CORIN: variants seen among roughly 807,000 people sequenced by gnomAD.
The protein encoded by CORIN is corin, serine peptidase.
Under a neutral mutation model 125.3 loss-of-function variants are expected in CORIN, and 117 were observed. The observed-to-expected ratio is 0.93, with a 90% CI of 0.80 to 1.09. The LOEUF (loss-of-function observed/expected upper bound fraction) is 1.09, where lower values mean the gene tolerates loss of function less well. Among genes scored for constraint, CORIN ranks in the 50% least tolerant of loss-of-function variants. The pLI is 0.00. For missense variants in CORIN, 1,253 were observed against 1,306.7 expected, an observed-to-expected ratio of 0.96 and a Z score of 0.63; for synonymous variants, 450 against 466.4, an observed-to-expected ratio of 0.96 and a Z score of 0.45.
At position 47,693,480 on chromosome 4, in the gene CORIN, T is replaced by A. The variant is rs369633106; in HGVS notation, c.800-397A>T. Among the ~76,000 whole-genome samples, 3 of 152,222 alleles carry A rather than the reference T, an allele frequency of 2.0e-5. No individual in the cohort carries two copies. The East Asian group carries it at 5.8e-4, about 29-fold the overall frequency. On this transcript the variant is annotated intron_variant, in intron 5 of 21. Transcript: ENST00000273857. ...ACTAATTGAACCAACATTTAAAAAG[T>A]CTACCTTTCTAAAAAGCTACTCTAT...
chr4:47,829,157 CAAAAAAAAA>C (rs35771383), intron 1 of CORIN, among the ~76,000 whole-genome samples: 1 of 64,268 alleles, frequency 1.6e-5, no homozygotes, highest in African/African-American at 7.2e-5. Flanking sequence ...GACTCCGTCT[CAAAAAAAAA>C]AAAAAAAAAA....
chr4:47,726,392 G>C (rs1727597211), intron 5 of CORIN, among the ~76,000 whole-genome samples: 1 of 152,030 alleles, frequency 6.6e-6, no homozygotes, highest in African/African-American at 2.4e-5. Context: ...ACTGATACAT[G>C]TAACAACATG....
At chr4:47,642,379 C>T (rs561840537) in intron 15 of CORIN, among the ~76,000 whole-genome samples, 8 of 152,298 alleles carry the variant, frequency 5.3e-5, no homozygotes, top group Non-Finnish European at 1.5e-5. Context: ...TTACAAGAAG[C>T]GAGTTGTAAA....
At chr4:47,772,597 T>G (rs137991180) in intron 3 of CORIN, among the ~76,000 whole-genome samples, 2,226 of 152,302 alleles carry the variant, frequency 0.015, 53 homozygotes, top group African/African-American at 0.051. Context: ...ACAGTCTGAT[T>G]CAAAATCCTG....
rs531246982 is a variant in CORIN at position 47,594,169 on chromosome 4, A to G, written c.*1552T>C. 4.2e-4 allele frequency: 64 copies of G among 152,428 alleles called. No homozygotes were observed. Among genetic ancestry groups the G allele is most frequent in the African/African-American group, 1.5e-3 (62 of 41,550 alleles). 9.4% of individuals were successfully genotyped at this position (152,428 alleles called of 1,614,324 possible). A position where few individuals can be genotyped will look rare whatever the true frequency, so the allele number is the denominator to read the frequency against. ...GAACTTTCATACAATCGTGACCACAATTCAGTTGCTGGATTTCACACTCTC... is the reference window on the plus strand; with the variant it reads ...GAACTTTCATACAATCGTGACCACAGTTCAGTTGCTGGATTTCACACTCTC... On this transcript the variant is annotated 3_prime_UTR_variant, in exon 22 of 22. Transcript: ENST00000273857.
rs539070420 is a variant in CORIN at position 47,662,627 on chromosome 4, A to T, written c.1590-771T>A. 8.1e-5 allele frequency among the ~76,000 whole-genome samples: 12 copies of T among 148,848 alleles called. 1 individual carries two copies. The South Asian group carries it at 2.6e-3, about 32-fold the overall frequency. On this transcript the variant is annotated intron_variant, in intron 11 of 21. Transcript: ENST00000273857. ...TTACTAAGAAATTAGTTACACAGTT[A>T]AAAAAAAAACTAACCAAAGTAAGTT...
At chr4:47,667,381 CCTCT>C (rs927166504) in intron 10 of CORIN, among the ~76,000 whole-genome samples, 3 of 152,160 alleles carry the variant, frequency 2.0e-5, no homozygotes, top group African/African-American at 7.2e-5. Flanking sequence ...CTCCCAGCTC[CCTCT>C]CTCTGTTTGC....
In CORIN at chr4:47,833,293, T is replaced by C. The variant is rs533516834; in HGVS notation, c.63+4594A>G. ...TGACAAGGATGCCAAGAATATACAA[T>C]GGAGGAAAGATATGTCTTCAACAAA... On this transcript the variant is annotated intron_variant, in intron 1 of 21. Coordinates refer to ENST00000273857, the MANE Select transcript of CORIN (RefSeq NM_006587.4). 2.6e-5 allele frequency among the ~76,000 whole-genome samples: 4 copies of C among 152,020 alleles called. 1 individual carries two copies. The South Asian group carries it at 8.3e-4, about 32-fold the overall frequency.
At chr4:47,734,421 G>A (rs905101575) in intron 5 of CORIN, among the ~76,000 whole-genome samples, 1 of 152,170 alleles carries the variant, frequency 6.6e-6, no homozygotes, top group Non-Finnish European at 1.5e-5. Context: ...ACCTTCTTCC[G>A]TCCCCTTTGC....
intron 13 of CORIN, among the ~76,000 whole-genome samples, chr4:47,651,054 T>C (rs1449454365): frequency 6.6e-6 from 1 of 152,232 alleles, no homozygotes; most frequent in Non-Finnish European, 1.5e-5. Context: ...TAAAAGTGTA[T>C]TTATAAGTTA....
chr4:47,708,170 A>G (rs142207843), intron 5 of CORIN, among the ~76,000 whole-genome samples: 1 of 152,338 alleles, frequency 6.6e-6, no homozygotes, highest in Non-Finnish European at 1.5e-5. Context: ...TTTGCCACAA[A>G]TTGGGTGGCT....
chr4:47,824,116 C>CTT (rs199752598), intron 1 of CORIN, among the ~76,000 whole-genome samples: 81 of 139,274 alleles, frequency 5.8e-4, no homozygotes, highest in African/African-American at 1.4e-3. Flanking sequence ...AATGCTATTC[C>CTT]TTTTTTTTTT....
intron 4 of CORIN, among the ~76,000 whole-genome samples, chr4:47,761,986 A>G (rs532756072): frequency 6.6e-6 from 1 of 152,232 alleles, no homozygotes; most frequent in East Asian, 1.9e-4. Context: ...ATATATACAC[A>G]CAAATATATA....
chr4:47,640,208 T>G (rs922269455), intron 16 of CORIN, among the ~76,000 whole-genome samples: 1 of 152,182 alleles, frequency 6.6e-6, no homozygotes, highest in Non-Finnish European at 1.5e-5. Context: ...ACATAATTTT[T>G]TAAAAATCCA....
At chr4:47,790,028 A>C (rs951515588) in intron 2 of CORIN, among the ~76,000 whole-genome samples, 39 of 151,892 alleles carry the variant, frequency 2.6e-4, no homozygotes, top group Non-Finnish European at 4.4e-4. Flanking sequence ...TCTCAAAAAA[A>C]TAATAATAAT....
rs189483302 is a variant in CORIN, at chr4:47,637,076, A to G, written c.2198+4844T>C. On this transcript the variant is annotated intron_variant, in intron 16 of 21. Coordinates refer to ENST00000273857, the MANE Select transcript of CORIN (RefSeq NM_006587.4). ...GATGGAAATGAGGAACTTGTTGGGAACCGGAGCAAAGGTGACTCTTGTTAT... is the reference window on the plus strand; with the variant it reads ...GATGGAAATGAGGAACTTGTTGGGAGCCGGAGCAAAGGTGACTCTTGTTAT... Among the ~76,000 whole-genome samples the G allele has an allele frequency of 1.1e-4, 17 of 152,294 alleles. No homozygotes were observed. In the East Asian group the frequency reaches 2.9e-3, roughly 26 times the overall value.
chr4:47,681,442 T>C (rs1274534395), intron 7 of CORIN: 1 of 152,200 alleles, frequency 6.6e-6, no homozygotes, highest in Non-Finnish European at 1.5e-5. Flanking sequence ...AGGAATTCTG[T>C]TGCCTGTTAA....
intron 1 of CORIN, among the ~76,000 whole-genome samples, chr4:47,815,084 T>C (rs571288488): frequency 1.3e-4 from 20 of 152,270 alleles, no homozygotes; most frequent in Non-Finnish European, 1.6e-4. Flanking sequence ...AGAGACGAGA[T>C]TGGAATGTTT....
intron 2 of CORIN, among the ~76,000 whole-genome samples, chr4:47,800,477 AT>A (rs1315604531): frequency 2.0e-5 from 3 of 152,106 alleles, no homozygotes; most frequent in Non-Finnish European, 4.4e-5. Context: ...ACTTTTTAAA[AT>A]GACAGTGGTA....
Sources: gnomAD v4.1 joint callset for allele counts (sites outside exome capture counted in the v4.1 genomes callset) on GRCh38, gnomAD v4.1.1 for gene constraint, MANE v1.5 for transcripts, NCBI Gene and HGNC (gene_info 2026-07-23, HGNC 2026-07-21) for gene names.